SLC24A3: variants seen among roughly 807,000 people sequenced by gnomAD.
The protein encoded by SLC24A3 is solute carrier family 24 member 3.
In SLC24A3, 28 loss-of-function variants were observed where a neutral mutation model predicts 75.8. That is an observed-to-expected ratio of 0.37 (90% confidence interval 0.27 to 0.51). The LOEUF (loss-of-function observed/expected upper bound fraction) is 0.51. SLC24A3 is among the 20% of genes least tolerant of loss of function. The pLI is 0.94. For missense variants in SLC24A3, 663 were observed against 847.8 expected, an observed-to-expected ratio of 0.78 and a Z score of 2.71; for synonymous variants, 372 against 334.1, an observed-to-expected ratio of 1.11 and a Z score of -1.24.
chr20:19,281,438 T>C, intron 2 of SLC24A3, among the ~76,000 whole-genome samples: 1 of 152,298 alleles, frequency 6.6e-6, no homozygotes, highest in Admixed American at 6.5e-5. Context: ...TTTGGTCCTC[T>C]TTGGCTGGTT....
intron 12 of SLC24A3, among the ~76,000 whole-genome samples, chr20:19,688,477 A>G (rs1278970416): frequency 4.6e-5 from 7 of 152,252 alleles, no homozygotes; most frequent in Non-Finnish European, 8.8e-5. Context: ...ATGTCCAGCC[A>G]GGCCCGCTTC....
intron 15 of SLC24A3, among the ~76,000 whole-genome samples, chr20:19,714,122 G>A (rs2033018159): frequency 1.3e-5 from 2 of 152,186 alleles, no homozygotes. Context: ...ACAGGCTGGA[G>A]CCAGATGCCG....
At chr20:19,677,744 T>C (rs2032544479) in intron 9 of SLC24A3, among the ~76,000 whole-genome samples, 1 of 150,284 alleles carries the variant, frequency 6.7e-6, no homozygotes, top group Admixed American at 6.7e-5. Context: ...TTCTTGGGTG[T>C]TTCTCACAGA....
intron 2 of SLC24A3, among the ~76,000 whole-genome samples, chr20:19,397,354 AT>A (rs1245944992): frequency 6.6e-6 from 1 of 152,136 alleles, no homozygotes; most frequent in Non-Finnish European, 1.5e-5. Context: ...GTATGAAATA[AT>A]TTTTTTGAGA....
At chr20:19,274,801 G>A (rs1983435495) in intron 1 of SLC24A3, among the ~76,000 whole-genome samples, 1 of 152,154 alleles carries the variant, frequency 6.6e-6, no homozygotes, top group Admixed American at 6.5e-5. Flanking sequence ...CGCTGGCTGC[G>A]GGCTTATGCA....
intron 7 of SLC24A3, among the ~76,000 whole-genome samples, chr20:19,654,940 C>T (rs1009999468): frequency 4.6e-5 from 7 of 152,184 alleles, no homozygotes; most frequent in African/African-American, 1.7e-4. Context: ...AGCCACAGCA[C>T]CCAGTCCCTA....
In SLC24A3 at chr20:19,704,103, C is replaced by T. The variant is rs183120313; in HGVS notation, c.1719+5423C>T. The stretch of plus-strand genomic sequence containing the variant: ...CATTTATTATTTTGTTTGTGCCTAG[C>T]GCAGTGCTTGGCACTTGGAACATAT... On this transcript the variant is annotated intron_variant, in intron 15 of 16. Coordinates refer to ENST00000328041, the MANE Select transcript of SLC24A3 (RefSeq NM_020689.4). Among the ~76,000 whole-genome samples, 24 of 152,174 alleles carry T rather than the reference C, an allele frequency of 1.6e-4. 1 individual carries two copies. Among genetic ancestry groups the T allele is most frequent in the Admixed American group, 3.3e-4 (5 of 15,290 alleles).
chr20:19,218,977 A>AT (rs571875947), intron 1 of SLC24A3, among the ~76,000 whole-genome samples: 53 of 149,208 alleles, frequency 3.6e-4, no homozygotes, highest in Non-Finnish European at 5.4e-4. Context: ...GGTAATTTGG[A>AT]TTTTTTTTTT....
chr20:19,573,526 A>T (rs2031085423), intron 3 of SLC24A3, among the ~76,000 whole-genome samples: 3 of 152,226 alleles, frequency 2.0e-5, no homozygotes. Context: ...CCCCCAGCTA[A>T]TGGTGAGTGA....
intron 3 of SLC24A3, among the ~76,000 whole-genome samples, chr20:19,533,224 A>G (rs1373921052): frequency 6.6e-6 from 1 of 152,188 alleles, no homozygotes; most frequent in East Asian, 1.9e-4. Flanking sequence ...CTGAACATCC[A>G]TGATGGCCCC....
chr20:19,570,862 C>A (rs1415792152), intron 3 of SLC24A3, among the ~76,000 whole-genome samples: 4 of 152,152 alleles, frequency 2.6e-5, no homozygotes, highest in African/African-American at 9.7e-5. Flanking sequence ...TTGTTTGCAT[C>A]CTTAGCAAAC....
At chr20:19,651,075 C>A (rs935277295) in intron 6 of SLC24A3, among the ~76,000 whole-genome samples, 6 of 152,042 alleles carry the variant, frequency 3.9e-5, no homozygotes, top group African/African-American at 1.4e-4. Flanking sequence ...TAATTATCAT[C>A]ATAGATTCTG....
intron 9 of SLC24A3, among the ~76,000 whole-genome samples, chr20:19,674,898 C>T (rs1431383550): frequency 6.6e-6 from 1 of 152,034 alleles, no homozygotes; most frequent in Non-Finnish European, 1.5e-5. Flanking sequence ...ACTAAAAATA[C>T]AAAAATTAGC....
At chr20:19,641,593 G>T (rs925789788) in intron 6 of SLC24A3, among the ~76,000 whole-genome samples, 4 of 152,218 alleles carry the variant, frequency 2.6e-5, no homozygotes, top group African/African-American at 9.6e-5. Flanking sequence ...GAGTGCTAGG[G>T]TATTTCTCAT....
At chr20:19,594,092 C>T (rs1056409778) in intron 6 of SLC24A3, among the ~76,000 whole-genome samples, 2 of 152,168 alleles carry the variant, frequency 1.3e-5, no homozygotes, top group African/African-American at 4.8e-5. Context: ...CCTTCGAACT[C>T]CACCCTTGGG....
intron 2 of SLC24A3, among the ~76,000 whole-genome samples, chr20:19,398,674 A>C (rs1272536647): frequency 6.6e-6 from 1 of 151,936 alleles, no homozygotes; most frequent in Non-Finnish European, 1.5e-5. Flanking sequence ...CATTTTATTT[A>C]TTTTTCTTGT....
At chr20:19,615,637 C>A (rs1489054852) in intron 6 of SLC24A3, among the ~76,000 whole-genome samples, 3 of 152,178 alleles carry the variant, frequency 2.0e-5, no homozygotes, top group Non-Finnish European at 2.9e-5. Context: ...ATGAGAAATC[C>A]ACTCCCATGT....
intron 15 of SLC24A3, among the ~76,000 whole-genome samples, chr20:19,709,593 G>A (rs2032968383): frequency 6.6e-6 from 1 of 152,104 alleles, no homozygotes; most frequent in Middle Eastern, 3.4e-3. Context: ...CTGCACTCCA[G>A]CCTGGGTGAC....
Position 19,666,185 on chromosome 20 carries a change from G to A in SLC24A3, c.713+296G>A, listed in dbSNP as rs563873957. Among the ~76,000 whole-genome samples, 5 of 152,260 alleles carry A rather than the reference G, an allele frequency of 3.3e-5. No individual in the cohort carries two copies. The East Asian group carries it at 9.6e-4, about 29-fold the overall frequency. ...GCTTAGCTGTGTCTTTCTACAGTCAGCCATGTGCTAGGGTAGAGTTAAGAT... is the reference window on the plus strand; with the variant it reads ...GCTTAGCTGTGTCTTTCTACAGTCAACCATGTGCTAGGGTAGAGTTAAGAT... On this transcript the variant is annotated intron_variant, in intron 8 of 16. Transcript: ENST00000328041.
Sources: allele counts gnomAD v4.1 joint callset (sites outside exome capture counted in the v4.1 genomes callset), GRCh38; gene constraint gnomAD v4.1.1; transcripts MANE v1.5; gene names NCBI Gene and HGNC (gene_info 2026-07-23, HGNC 2026-07-21).